Variants in GLYATL1 observed in about 807,000 individuals in gnomAD.
GLYATL1 encodes glycine-N-acyltransferase like 1, also known as glycine N-acyltransferase-like protein 1.
In GLYATL1, 15 loss-of-function variants were observed where a neutral mutation model predicts 20.0. That is an observed-to-expected ratio of 0.75 (90% CI 0.50 to 1.15). The LOEUF is 1.15. Ranked by LOEUF, GLYATL1 falls within the 50% of genes most tolerant of loss-of-function variation. GLYATL1 has a pLI of 0.00. For synonymous variants in GLYATL1, 151 were observed against 131.5 expected (o/e 1.15, Z -1.01); for missense variants, 380 against 368.5 (o/e 1.03, Z -0.26).
At chr11:58,938,124 C>T (rs370934385), upstream of GLYATL1, among the ~76,000 whole-genome samples, 4 of 152,322 alleles carry the variant, frequency 2.6e-5, no homozygotes, top group East Asian at 1.9e-4. Context: ...TATTATTGTT[C>T]TACTTACAAG....
Position 58,948,433 on chromosome 11 carries a change from G to A in GLYATL1, c.186+468G>A, listed in dbSNP as rs980181875. Among the ~76,000 whole-genome samples, 8 of 152,184 alleles carry A rather than the reference G, an allele frequency of 5.3e-5. No homozygotes were observed. In the East Asian group the frequency reaches 5.8e-4, roughly 11 times the overall value. ...GCAGGAGGATCACTTGAGTCCAGGA[G>A]TTTGAGACCAGCCTGTACAACATAG... On this transcript the variant is annotated intron_variant, in intron 4 of 6. Coordinates refer to ENST00000532726, the MANE Select transcript of GLYATL1 (RefSeq NM_001389712.2).
chr11:58,920,407 T>C (rs1032725686), intron 1 of GLYATL1, among the ~76,000 whole-genome samples: 2 of 152,208 alleles, frequency 1.3e-5, no homozygotes, highest in African/African-American at 4.8e-5. Context: ...AGCTGTCAGC[T>C]CTGCCTTCTG....
chr11:58,907,853 ATGT>A (rs1482451295), exon 2 of GLYATL1: 3 of 162,570 alleles, frequency 1.8e-5, no homozygotes, highest in African/African-American at 7.2e-5. Context: ...ACAAGGGCTA[ATGT>A]TGTCCCACTA....
At position 58,947,136 on chromosome 11, in the gene GLYATL1, T is replaced by C. The variant is rs1305320009; in HGVS notation, c.49T>C (p.Leu17=). 3 of 1,613,748 alleles carry C rather than the reference T, an allele frequency of 1.9e-6. No homozygotes were observed. The East Asian group carries it at 6.7e-5, about 36-fold the overall frequency. ...TAAGCTGCTGGCCCTATACAAATCC[T>C]TGGCCAGGAGCATCCCTGAGTCCCT... ...SHKLLALYKS[L]ARSIPESLKV... is the part of the protein sequence containing the mutation. Residue 17 remains leucine (L), a synonymous_variant, in exon 3 of 7, where the codon TTG becomes CTG. Transcript: ENST00000532726.
downstream of GLYATL1, among the ~76,000 whole-genome samples, chr11:58,912,355 C>T (rs989034378): frequency 1.3e-5 from 2 of 152,198 alleles, no homozygotes; most frequent in Non-Finnish European, 2.9e-5. Flanking sequence ...GTCCAGTCAA[C>T]TGTTAGTGGC....
At chr11:58,929,820 A>G (rs1237291757) in intron 1 of GLYATL1, among the ~76,000 whole-genome samples, 3 of 152,084 alleles carry the variant, frequency 2.0e-5, no homozygotes, top group Non-Finnish European at 4.4e-5. Flanking sequence ...CCCTGAACTC[A>G]TTTCCTTTTC....
chr11:58,947,652 GAC>G, intron 3 of GLYATL1: 1 of 569,840 alleles, frequency 1.8e-6, no homozygotes, highest in Non-Finnish European at 3.1e-6. Flanking sequence ...GTATCACAAG[GAC>G]AGTCCTACCT....
chr11:58,938,295 A>G (rs1855927667), upstream of GLYATL1, among the ~76,000 whole-genome samples: 1 of 152,152 alleles, frequency 6.6e-6, no homozygotes, highest in South Asian at 2.1e-4. Context: ...CCATGCCTAA[A>G]TGGTATCCTA....
At chr11:58,928,331 C>G (rs1358423496) in intron 1 of GLYATL1, 2 of 152,242 alleles carry the variant, frequency 1.3e-5, no homozygotes, top group Admixed American at 1.3e-4. Flanking sequence ...TACTCACTGA[C>G]TTGACCACGC....
exon 2 of GLYATL1, chr11:58,907,544 C>A (rs1299385228): frequency 2.8e-6 from 1 of 360,458 alleles, no homozygotes; most frequent in African/African-American, 2.1e-5. Flanking sequence ...CCATTTTGGC[C>A]AGAAATTCAA....
Position 58,956,155 on chromosome 11 carries a change from G to T in GLYATL1, c.*128G>T. On this transcript the variant is annotated 3_prime_UTR_variant, in exon 7 of 7. Coordinates refer to ENST00000532726, the MANE Select transcript of GLYATL1 (RefSeq NM_001389712.2). Reference sequence around the variant, plus strand: ...AATACAGCAGGAACTCTTCTCACCTGGAGCCTTGATGTTAAAAGACACAGC... The same window carrying T: ...AATACAGCAGGAACTCTTCTCACCTTGAGCCTTGATGTTAAAAGACACAGC... 1 of 817,156 alleles carries T rather than the reference G, an allele frequency of 1.2e-6. No individual in the cohort carries two copies. Among genetic ancestry groups the T allele is most frequent in the Non-Finnish European group, 1.9e-6 (1 of 523,960 alleles). The allele number at this position is 817,156 out of a possible 1,614,324, so 50.6% of individuals were successfully genotyped here.
At chr11:58,922,497 G>A (rs547751207) in intron 1 of GLYATL1, among the ~76,000 whole-genome samples, 5 of 152,276 alleles carry the variant, frequency 3.3e-5, no homozygotes, top group African/African-American at 9.6e-5. Flanking sequence ...GACCAGAGAT[G>A]GCCTGCCTGA....
intron 1 of GLYATL1, among the ~76,000 whole-genome samples, chr11:58,919,747 C>T (rs545988284): frequency 9.2e-5 from 14 of 152,284 alleles, no homozygotes; most frequent in African/African-American, 2.9e-4. Flanking sequence ...TCCCGGGGTT[C>T]GGGTAGGCCC....
At chr11:58,918,981 C>T (rs11229694) in intron 1 of GLYATL1, among the ~76,000 whole-genome samples, 27,232 of 152,156 alleles carry the variant, frequency 0.18, 2,806 homozygotes, top group East Asian at 0.31. Flanking sequence ...GATCCAAGCA[C>T]GGTTCCTGTA....
At chr11:58,911,553 A>T (rs1855043937), downstream of GLYATL1, among the ~76,000 whole-genome samples, 1 of 152,212 alleles carries the variant, frequency 6.6e-6, no homozygotes, top group Admixed American at 6.5e-5. Flanking sequence ...TATTTGCATT[A>T]CACTAATGAC....
At chr11:58,926,572 C>G (rs146297615), upstream of GLYATL1, among the ~76,000 whole-genome samples, 75 of 152,314 alleles carry the variant, frequency 4.9e-4, no homozygotes, top group East Asian at 0.011. Context: ...CTCTATTAGA[C>G]TACTGCTCTT....
At chr11:58,918,919 A>G (rs777060875) in intron 1 of GLYATL1, among the ~76,000 whole-genome samples, 1 of 151,898 alleles carries the variant, frequency 6.6e-6, no homozygotes, top group Non-Finnish European at 1.5e-5. Flanking sequence ...TGGTCTGGGT[A>G]CTCCTGGCTG....
chr11:58,935,186 C>G (rs918691764), upstream of GLYATL1: 1 of 152,230 alleles, frequency 6.6e-6, no homozygotes, highest in African/African-American at 2.4e-5. Context: ...AGGATATACC[C>G]AGAAACCAAG....
intron 2 of GLYATL1, 117 bp downstream of exon 2, chr11:58,943,783 G>T (rs1856357817): frequency 7.0e-7 from 1 of 1,421,996 alleles, no homozygotes; most frequent in Non-Finnish European, 9.4e-7. Flanking sequence ...AACAGACTGG[G>T]TCTAGGAACA....
Sources: allele counts gnomAD v4.1 joint callset (sites outside exome capture counted in the v4.1 genomes callset), GRCh38; gene constraint gnomAD v4.1.1; transcripts MANE v1.5; gene names NCBI Gene and HGNC (gene_info 2026-07-23, HGNC 2026-07-21).